GALNT13: variants seen among roughly 807,000 people sequenced by gnomAD.
GALNT13 encodes polypeptide N-acetylgalactosaminyltransferase 13, also known as UDP-GalNAc:polypeptide N-acetylgalactosaminyltransferase 13.
A neutral mutation model predicts 64.2 loss-of-function variants in GALNT13; 28 were observed. That is an observed-to-expected ratio of 0.44 (90% CI 0.32 to 0.60). The LOEUF (loss-of-function observed/expected upper bound fraction) is 0.60. Among genes scored for constraint, GALNT13 ranks in the 20% least tolerant of loss-of-function variants. The probability of loss-of-function intolerance (pLI) is 0.05; values close to 1 mark genes in which losing one functional copy is unlikely to be tolerated. For synonymous variants in GALNT13, 214 were observed against 224.6 expected (o/e 0.95, Z 0.42); for missense variants, 577 against 669.8 (o/e 0.86, Z 1.53).
chr2:154,024,731 G>T (rs1166689622), intron 3 of GALNT13, among the ~76,000 whole-genome samples: 3 of 152,082 alleles, frequency 2.0e-5, no homozygotes, highest in Non-Finnish European at 4.4e-5. Flanking sequence ...TTCCGTTGCT[G>T]GTGAGGAGCT....
chr2:153,193,724 G>A, the GALNT13 span, among the ~76,000 whole-genome samples: 4 of 151,370 alleles, frequency 2.6e-5, no homozygotes, highest in Admixed American at 2.0e-4. Flanking sequence ...TTTTATGATT[G>A]TAGATACTGT....
At chr2:153,591,917 C>T in the GALNT13 span, among the ~76,000 whole-genome samples, 1 of 152,012 alleles carries the variant, frequency 6.6e-6, no homozygotes, top group Non-Finnish European at 1.5e-5. Context: ...AAAATATTTG[C>T]AAACTGTTCC....
intron 3 of GALNT13, among the ~76,000 whole-genome samples, chr2:154,041,969 G>A (rs1393649978): frequency 7.1e-6 from 1 of 140,138 alleles, no homozygotes; most frequent in African/African-American, 2.4e-5. Context: ...TAGATACTTA[G>A]TAAATTAACT....
chr2:153,437,361 G>C, the GALNT13 span, among the ~76,000 whole-genome samples: 4 of 152,134 alleles, frequency 2.6e-5, no homozygotes, highest in African/African-American at 9.7e-5. Flanking sequence ...GCAGAGCTGA[G>C]TTCAATTCCT....
At chr2:153,630,795 A>T in the GALNT13 span, among the ~76,000 whole-genome samples, 97 of 13,966 alleles carry the variant, frequency 6.9e-3, 1 homozygote, top group South Asian at 0.14. Context: ...ATATATATAT[A>T]TATATATATA....
At chr2:153,439,823 G>T in the GALNT13 span, among the ~76,000 whole-genome samples, 1 of 152,136 alleles carries the variant, frequency 6.6e-6, no homozygotes. Context: ...TGCACCCACT[G>T]TCCTGCATCC....
chr2:154,287,324 G>A lies in GALNT13; in HGVS notation c.976-14085G>A, dbSNP rs1399845823. The A allele has an allele frequency of 1.6e-5, 10 of 627,944 alleles. No homozygotes were observed. The Admixed American group carries it at 1.9e-4, about 12-fold the overall frequency. 38.9% of individuals were successfully genotyped at this position (627,944 alleles called of 1,614,324 possible). ...GGCGGGGACAGTCTGATTGAGCTGTGTAAGTTGGAAGCAGCGAGACATTGC... is the reference window on the plus strand; with the variant it reads ...GGCGGGGACAGTCTGATTGAGCTGTATAAGTTGGAAGCAGCGAGACATTGC... On this transcript the variant is annotated intron_variant, in intron 8 of 12. Transcript: ENST00000392825.
the GALNT13 span, among the ~76,000 whole-genome samples, chr2:153,156,502 G>T: frequency 1.3e-5 from 2 of 152,084 alleles, no homozygotes; most frequent in Non-Finnish European, 2.9e-5. Flanking sequence ...AGAGAAACTG[G>T]TGTTTCTGGG....
chr2:153,853,454 C>T, the GALNT13 span, among the ~76,000 whole-genome samples: 29 of 152,192 alleles, frequency 1.9e-4, no homozygotes, highest in African/African-American at 6.3e-4. Context: ...AAGTATCCAG[C>T]AACACGTGAA....
intron 4 of GALNT13, among the ~76,000 whole-genome samples, chr2:154,220,008 G>A (rs1688243323): frequency 6.6e-6 from 1 of 152,046 alleles, no homozygotes; most frequent in Non-Finnish European, 1.5e-5. Context: ...CAGGTGTGTT[G>A]TGCCTCATAC....
intron 3 of GALNT13, among the ~76,000 whole-genome samples, chr2:154,070,330 C>T (rs1177934964): frequency 2.0e-5 from 3 of 152,072 alleles, no homozygotes; most frequent in African/African-American, 7.2e-5. Flanking sequence ...TTCTATAGTT[C>T]CACATATTAT....
the GALNT13 span, among the ~76,000 whole-genome samples, chr2:153,781,101 A>T: frequency 1.3e-5 from 2 of 152,158 alleles, no homozygotes; most frequent in Admixed American, 1.3e-4. Context: ...GAGGTTAATA[A>T]TCCAGGCAGA....
chr2:154,069,569 G>A lies in GALNT13; in HGVS notation c.143-70768G>A, dbSNP rs146802543. Reference sequence around the variant, plus strand: ...ATTTAAGCATGTTTCTTTTCTTTTGGTGGACATTAAATAATTTTAATATTT... The same window carrying A: ...ATTTAAGCATGTTTCTTTTCTTTTGATGGACATTAAATAATTTTAATATTT... On this transcript the variant is annotated intron_variant, in intron 3 of 12. Coordinates refer to ENST00000392825, the MANE Select transcript of GALNT13 (RefSeq NM_052917.4). 4.0e-3 allele frequency among the ~76,000 whole-genome samples: 608 copies of A among 151,680 alleles called. 1 individual carries two copies. The highest frequency in any genetic ancestry group is 0.014 in the African/African-American group (569 of 41,432).
At chr2:153,817,462 T>C in the GALNT13 span, among the ~76,000 whole-genome samples, 1 of 152,308 alleles carries the variant, frequency 6.6e-6, no homozygotes, top group East Asian at 1.9e-4. Context: ...GGTGATGTCT[T>C]ATCACCCTGA....
chr2:153,711,587 G>T, the GALNT13 span, among the ~76,000 whole-genome samples: 1 of 152,144 alleles, frequency 6.6e-6, no homozygotes, highest in Non-Finnish European at 1.5e-5. Context: ...TGAAAGCTGT[G>T]TATTCTAATT....
intron 8 of GALNT13, among the ~76,000 whole-genome samples, chr2:154,260,116 G>C (rs994311734): frequency 3.3e-5 from 5 of 151,664 alleles, no homozygotes; most frequent in African/African-American, 9.7e-5. Flanking sequence ...AAATTCCTGA[G>C]CTCAAGCAAT....
At chr2:154,424,131 G>A (rs1700371936) in intron 11 of GALNT13, among the ~76,000 whole-genome samples, 1 of 152,068 alleles carries the variant, frequency 6.6e-6, no homozygotes. Flanking sequence ...TTGTTGGATG[G>A]GATCTTGGAA....
At chr2:154,391,080 A>G (rs755259533) in intron 9 of GALNT13, among the ~76,000 whole-genome samples, 4 of 152,112 alleles carry the variant, frequency 2.6e-5, no homozygotes, top group African/African-American at 4.8e-5. Flanking sequence ...CTCACACTCT[A>G]TATCTTTCCA....
At chr2:154,261,764 A>G (rs1049878251) in intron 8 of GALNT13, among the ~76,000 whole-genome samples, 1 of 152,108 alleles carries the variant, frequency 6.6e-6, no homozygotes, top group African/African-American at 2.4e-5. Context: ...TCCTTTATAA[A>G]TTTATGTGTG....
Sources: allele counts gnomAD v4.1 joint callset (sites outside exome capture counted in the v4.1 genomes callset), GRCh38; gene constraint gnomAD v4.1.1; transcripts MANE v1.5; gene names NCBI Gene and HGNC (gene_info 2026-07-23, HGNC 2026-07-21).